TMPRSS4: variants seen among roughly 807,000 people sequenced by gnomAD.
The protein encoded by TMPRSS4 is transmembrane serine protease 4, also known as transmembrane protease serine 4.
Under a neutral mutation model 56.4 loss-of-function variants are expected in TMPRSS4, and 45 were observed. The ratio of observed to expected loss-of-function variants is 0.80; its 90% CI spans 0.63 to 1.02. The LOEUF is 1.02. TMPRSS4 is among the 50% of genes least tolerant of loss of function. The probability of loss-of-function intolerance (pLI) is 0.00; values close to 1 mark genes in which losing one functional copy is unlikely to be tolerated. For missense variants in TMPRSS4, 546 were observed against 556.7 expected (o/e 0.98, Z 0.19); for synonymous variants, 205 against 211.0 (o/e 0.97, Z 0.25).
chr11:118,097,108 A>G (rs1946445625), intron 2 of TMPRSS4, among the ~76,000 whole-genome samples: 1 of 149,280 alleles, frequency 6.7e-6, no homozygotes, highest in Admixed American at 6.7e-5. Flanking sequence ...AGAGCCAAGA[A>G]CAATTCATCT....
intron 1 of TMPRSS4, among the ~76,000 whole-genome samples, chr11:118,089,712 A>G (rs1893317): frequency 0.66 from 99,663 of 152,010 alleles, 33,371 homozygotes; most frequent in South Asian, 0.76. Flanking sequence ...CAGGGACTGT[A>G]CTACAAGCTC....
chr11:118,097,402 A>G (rs1486364801), intron 2 of TMPRSS4, among the ~76,000 whole-genome samples: 1 of 152,174 alleles, frequency 6.6e-6, no homozygotes, highest in African/African-American at 2.4e-5. Flanking sequence ...TGAAGGTGAC[A>G]GTGAAGAAAG....
chr11:118,099,173 C>G, intron 3 of TMPRSS4, 75 bp downstream of exon 3: 1 of 1,244,700 alleles, frequency 8.0e-7, no homozygotes, highest in South Asian at 1.3e-5. Flanking sequence ...CGCACTCACC[C>G]CTGAATAAGT....
At chr11:118,124,905 A>C (rs575284822), downstream of TMPRSS4, among the ~76,000 whole-genome samples, 3 of 152,196 alleles carry the variant, frequency 2.0e-5, no homozygotes, top group South Asian at 6.2e-4. Flanking sequence ...AGCATCCCCC[A>C]TCTTCCCGCC....
At chr11:118,125,075 G>T (rs1300785497), downstream of TMPRSS4, among the ~76,000 whole-genome samples, 1 of 152,226 alleles carries the variant, frequency 6.6e-6, no homozygotes, top group African/African-American at 2.4e-5. Context: ...GCTGGGCTTT[G>T]GGTTGGGTGG....
At chr11:118,109,226 C>T (rs990227861) in intron 7 of TMPRSS4, among the ~76,000 whole-genome samples, 1 of 152,200 alleles carries the variant, frequency 6.6e-6, no homozygotes, top group Admixed American at 6.5e-5. Context: ...TCCGGGCCCA[C>T]ATAGCCTTCT....
chr11:118,111,886 A>G lies in TMPRSS4; in HGVS notation c.729A>G (p.Ala243=). 1 of 1,608,566 alleles carries G rather than the reference A, an allele frequency of 6.2e-7. No individual in the cohort carries two copies. The highest frequency in any genetic ancestry group is 8.5e-7 in the Non-Finnish European group (1 of 1,177,736). The change falls in exon 8 of 13, where the codon GCA becomes GCG. Residue 243 remains alanine, a synonymous_variant. Coordinates refer to ENST00000437212, the MANE Select transcript of TMPRSS4 (RefSeq NM_019894.4). ...SILDPHWVLT[A]AHCFRKHTDV... ...TGGACCCCCACTGGGTCCTCACGGCAGCCCACTGCTTCAGGTAAGACCCCA... is the reference window on the plus strand; with the variant it reads ...TGGACCCCCACTGGGTCCTCACGGCGGCCCACTGCTTCAGGTAAGACCCCA...
At chr11:118,107,922 C>T (rs759755283) in intron 6 of TMPRSS4, 47 bp downstream of exon 6, 12 of 1,535,532 alleles carry the variant, frequency 7.8e-6, no homozygotes, top group South Asian at 3.4e-5. Context: ...CCCACATGGA[C>T]GCTGCTCTTC....
intron 2 of TMPRSS4, chr11:118,095,374 C>T (rs980901173): frequency 6.2e-6 from 1 of 162,470 alleles, no homozygotes; most frequent in African/African-American, 2.4e-5. Flanking sequence ...AATATCTACT[C>T]CTGATAGCCT....
At chr11:118,116,890 G>T (rs640048) in intron 11 of TMPRSS4, among the ~76,000 whole-genome samples, 145,873 of 152,006 alleles carry the variant, frequency 0.96, 70,006 homozygotes, top group East Asian at 0.98. Flanking sequence ...TTTTGTATTT[G>T]TAGTAGAGAC....
At chr11:118,099,661 G>A (rs1946633973) in intron 3 of TMPRSS4, among the ~76,000 whole-genome samples, 1 of 152,116 alleles carries the variant, frequency 6.6e-6, no homozygotes, top group Admixed American at 6.6e-5. Flanking sequence ...GCAATTTGCA[G>A]GGCTGCCACG....
In TMPRSS4 at chr11:118,103,082, C is replaced by T; in HGVS notation, c.158-19C>T. 6.2e-7 allele frequency: 1 copy of T among 1,613,562 alleles called. No homozygotes were observed. Among genetic ancestry groups the T allele is most frequent in the Non-Finnish European group, 8.5e-7 (1 of 1,179,786 alleles). ...CTGACCCTCAGCCCTCTCTGCCTCT[C>T]CCTGCACTTGCCTTCCAGTCAAGGT... On this transcript the variant is annotated intron_variant, in intron 3 of 12. Transcript: ENST00000437212.
In TMPRSS4 at chr11:118,103,135, C is replaced by A. The variant is rs547733589; in HGVS notation, c.192C>A (p.Cys64Ter). The change falls in exon 4 of 13, where the codon TGC (cysteine) becomes TGA (stop). Residue 64 changes from cysteine (C) to a stop codon, truncating the protein, a stop_gained. Coordinates refer to ENST00000437212, the MANE Select transcript of TMPRSS4 (RefSeq NM_019894.4). LOFTEE classifies it high-confidence loss of function. The part of the protein sequence containing the change: ...KVILDKYYFL[C>*]GQPLHFIPRK... Reference sequence around the variant, plus strand: ...TTCTGGATAAATACTACTTCCTCTGCGGGCAGCCTCTCCACTTCATCCCGA... The same window carrying A: ...TTCTGGATAAATACTACTTCCTCTGAGGGCAGCCTCTCCACTTCATCCCGA... 5.0e-6 allele frequency: 8 copies of A among 1,614,210 alleles called. No homozygotes were observed. Among genetic ancestry groups the A allele is most frequent in the Middle Eastern group, 1.6e-4 (1 of 6,062 alleles).
At chr11:118,099,879 C>T (rs1946649710) in intron 3 of TMPRSS4, among the ~76,000 whole-genome samples, 1 of 152,156 alleles carries the variant, frequency 6.6e-6, no homozygotes, top group Non-Finnish European at 1.5e-5. Flanking sequence ...TTGAGCAGGC[C>T]TCTCTGCCTC....
chr11:118,101,498 C>T (rs181297864), intron 3 of TMPRSS4, among the ~76,000 whole-genome samples: 358 of 152,146 alleles, frequency 2.4e-3, no homozygotes, highest in African/African-American at 8.2e-3. Context: ...TTGTTTGAGA[C>T]AAGGTCTTGC....
Position 118,104,750 on chromosome 11 carries a change from T to C in TMPRSS4, c.370T>C (p.Phe124Leu). Residue 124 changes from phenylalanine (F) to leucine (L), a missense_variant, in exon 5 of 13, where the codon TTC becomes CTC. By Grantham distance (22) the Phe-to-Leu change is conservative. Coordinates refer to ENST00000437212, the MANE Select transcript of TMPRSS4 (RefSeq NM_019894.4). ...QVLDSATGNWFSACFDNFTEA... is the reference protein window; with the variant it reads ...QVLDSATGNWLSACFDNFTEA... ...GCTGGACTCGGCCACAGGGAACTGG[T>C]TCTCTGCCTGTTTCGACAACTTCAC... 1 of 1,614,160 alleles carries C rather than the reference T, an allele frequency of 6.2e-7. No homozygotes were observed. Among genetic ancestry groups the C allele is most frequent in the Non-Finnish European group, 8.5e-7 (1 of 1,180,008 alleles).
chr11:118,085,629 A>G (rs1193471524), intron 1 of TMPRSS4, among the ~76,000 whole-genome samples: 1 of 152,180 alleles, frequency 6.6e-6, no homozygotes, highest in Non-Finnish European at 1.5e-5. Context: ...GCAGGTCCTC[A>G]GTTCAGGTAA....
rs1565439799 is a variant in TMPRSS4 at position 118,113,448 on chromosome 11, GC to G, written c.910+16del. On this transcript the variant is annotated intron_variant, in intron 9 of 12. Transcript: ENST00000437212. ...CTCACTTTCTCAGGTGAGAAGCAGG[GC>G]CCAAGGCCACTCAAGCCTCTTACAT... is the stretch of plus-strand genomic sequence containing the variant. 1 of 1,612,190 alleles carries G rather than the reference GC, an allele frequency of 6.2e-7. No homozygotes were observed. Among genetic ancestry groups the G allele is most frequent in the African/African-American group, 1.3e-5 (1 of 74,980 alleles).
At position 118,117,459 on chromosome 11, in the gene TMPRSS4, G is replaced by T; in HGVS notation, c.1302+5G>T. On this transcript the variant is annotated splice_donor_5th_base_variant and intron_variant, in intron 12 of 12. Transcript: ENST00000437212. ...TGGATCTACAATGTCTGGAAGGTAA[G>T]GTACCTTTGCCCTACCCACTGTGCC... 3.1e-6 allele frequency: 5 copies of T among 1,610,668 alleles called. No homozygotes were observed. Among genetic ancestry groups the T allele is most frequent in the Non-Finnish European group, 4.2e-6 (5 of 1,177,868 alleles).
Sources: gnomAD v4.1 joint callset for allele counts (sites outside exome capture counted in the v4.1 genomes callset) on GRCh38, gnomAD v4.1.1 for gene constraint, MANE v1.5 for transcripts, NCBI Gene and HGNC (gene_info 2026-07-23, HGNC 2026-07-21) for gene names.